JPT2: variants seen among roughly 807,000 people sequenced by gnomAD.
JPT2 encodes the protein Jupiter microtubule associated homolog 2.
A neutral mutation model predicts 15.9 loss-of-function variants in JPT2; 9 were observed. The observed-to-expected ratio is 0.57, with a 90% CI of 0.34 to 0.99. JPT2 has a LOEUF of 0.99. Among genes scored for constraint, JPT2 ranks in the 50% least tolerant of loss-of-function variants. The pLI is 0.02. For synonymous variants in JPT2, 95 were observed against 91.7 expected, an observed-to-expected ratio of 1.04 and a Z score of -0.21; for missense variants, 267 against 252.1, an observed-to-expected ratio of 1.06 and a Z score of -0.40.
chr16:1,680,232 C>A, intron 1 of JPT2: 1 of 683,946 alleles, frequency 1.5e-6, no homozygotes, highest in Non-Finnish European at 1.8e-6. Flanking sequence ...AGCCCTGTCC[C>A]AGTTGTGTGC....
Position 1,685,542 on chromosome 16 carries a change from C to A in JPT2, c.148C>A (p.Pro50Thr), listed in dbSNP as rs921166624. The change falls in exon 2 of 5, where the codon CCA becomes ACA. Residue 50 changes from proline to threonine, a missense_variant. Transcript: ENST00000248098. ...TAGGATGGCATCTAATATTTTTGGA[C>A]CAACAGAAGAACCTCAGAACATACC... The part of the protein sequence containing the change: ...PNRMASNIFG[P>T]TEEPQNIPKR... The A allele has an allele frequency of 3.1e-6, 5 of 1,614,024 alleles. No individual in the cohort carries two copies. Among genetic ancestry groups the A allele is most frequent in the Non-Finnish European group, 4.2e-6 (5 of 1,180,042 alleles).
chr16:1,702,514 T>G (rs553961235), downstream of JPT2, among the ~76,000 whole-genome samples: 12 of 152,258 alleles, frequency 7.9e-5, no homozygotes, highest in East Asian at 1.5e-3. Flanking sequence ...CCCCGAAGGG[T>G]TGCCACCTCG....
chr16:1,701,266 A>G lies in JPT2; in HGVS notation c.*2268A>G, dbSNP rs1250044208. 6.6e-6 allele frequency: 1 copy of G among 152,636 alleles called. No homozygotes were observed. The highest frequency in any genetic ancestry group is 1.5e-5 in the Non-Finnish European group (1 of 68,044). 9.5% of individuals were successfully genotyped at this position (152,636 alleles called of 1,614,324 possible). On this transcript the variant is annotated 3_prime_UTR_variant, in exon 5 of 5. Transcript: ENST00000248098. ...CTCTGTATTTGTATTAAGCCTTAAC[A>G]CTTTTCTTAAGTGCATTCGGTGCCA...
chr16:1,686,073 C>T, intron 2 of JPT2: 1 of 153,350 alleles, frequency 6.5e-6, no homozygotes, highest in East Asian at 1.9e-4. Context: ...AGGAGGGACT[C>T]TTTGAAAAAG....
At position 1,699,403 on chromosome 16, in the gene JPT2, C is replaced by T. The variant is rs367704836; in HGVS notation, c.*405C>T. 1.2e-4 allele frequency: 50 copies of T among 413,420 alleles called. No homozygotes were observed. The East Asian group carries it at 2.5e-3, about 21-fold the overall frequency. The allele number at this position is 413,420 out of a possible 1,614,324, so 25.6% of individuals were successfully genotyped here. A position where few individuals can be genotyped will look rare whatever the true frequency, so the allele number is the denominator to read the frequency against. On this transcript the variant is annotated 3_prime_UTR_variant, in exon 5 of 5. Transcript: ENST00000248098. The stretch of plus-strand genomic sequence containing the variant: ...GATGGAGGAGGCGTAAGCAGAAACA[C>T]TAACAGTATATTGACCTCTTAGCAG...
chr16:1,687,772 G>C (rs778623659), intron 2 of JPT2, among the ~76,000 whole-genome samples: 1 of 152,158 alleles, frequency 6.6e-6, no homozygotes, highest in Admixed American at 6.5e-5. Context: ...CTTGGAAGAC[G>C]GTTTATGGTA....
chr16:1,692,049 G>A, intron 3 of JPT2, 64 bp downstream of exon 3: 2 of 1,587,764 alleles, frequency 1.3e-6, no homozygotes, highest in Non-Finnish European at 1.7e-6. Flanking sequence ...TTCCAAAAAG[G>A]CTCCAAGGCA....
At chr16:1,684,122 A>G (rs946676297) in intron 1 of JPT2, among the ~76,000 whole-genome samples, 1 of 152,234 alleles carries the variant, frequency 6.6e-6, no homozygotes, top group Non-Finnish European at 1.5e-5. Flanking sequence ...TGTTCAGTAC[A>G]GATGCAACCA....
At chr16:1,696,700 C>G (rs558584224) in intron 3 of JPT2, among the ~76,000 whole-genome samples, 32 of 152,234 alleles carry the variant, frequency 2.1e-4, no homozygotes, top group South Asian at 8.3e-4. Flanking sequence ...AGAAGAGATA[C>G]AAGCAGCCAA....
At chr16:1,693,715 C>G (rs2037121256) in intron 3 of JPT2, among the ~76,000 whole-genome samples, 1 of 151,226 alleles carries the variant, frequency 6.6e-6, no homozygotes, top group Non-Finnish European at 1.5e-5. Context: ...GCTAGCATCA[C>G]CAGAGAAATG....
chr16:1,679,882 C>T (rs1287093180), intron 1 of JPT2, among the ~76,000 whole-genome samples: 7 of 152,136 alleles, frequency 4.6e-5, no homozygotes, highest in East Asian at 1.9e-4. Context: ...CGGTGAAACC[C>T]CGTCTCTACT....
Position 1,701,593 on chromosome 16 carries a change from T to G in JPT2, c.*2595T>G, listed in dbSNP as rs969757317. On this transcript the variant is annotated 3_prime_UTR_variant, in exon 5 of 5. Transcript: ENST00000248098. Reference sequence around the variant, plus strand: ...GTAAGTGTGGGAATAAGCCAGTTTTTTTTTTTCTGTTTCTGTAACTTAAAT... The same window carrying G: ...GTAAGTGTGGGAATAAGCCAGTTTTGTTTTTTCTGTTTCTGTAACTTAAAT... The G allele has an allele frequency of 3.9e-5, 6 of 152,326 alleles. No homozygotes were observed. The highest frequency in any genetic ancestry group is 1.4e-4 in the African/African-American group (6 of 41,456). 9.4% of individuals were successfully genotyped at this position (152,326 alleles called of 1,614,324 possible).
At chr16:1,688,789 C>T (rs2037085224) in intron 2 of JPT2, 1 of 152,204 alleles carries the variant, frequency 6.6e-6, no homozygotes, top group Admixed American at 6.5e-5. Context: ...GAAAAAACAT[C>T]TCTCGAGTTT....
rs113819560 is a variant in JPT2, at chr16:1,681,587, C to T, written c.44+3231C>T. ...TTTCACCTCTTCCAAATTTTGGAGT[C>T]CCGATGGCACTAGGCGTCTGTCACG... On this transcript the variant is annotated intron_variant, in intron 1 of 4. Coordinates refer to ENST00000248098, the MANE Select transcript of JPT2 (RefSeq NM_144570.3). Among the ~76,000 whole-genome samples, 177 of 152,288 alleles carry T rather than the reference C, an allele frequency of 1.2e-3. 3 individuals carry two copies. The highest frequency in any genetic ancestry group is 4.6e-4 in the Admixed American group (7 of 15,294).
rs565038369 is a variant in JPT2 at position 1,692,130 on chromosome 16, G to A, written c.336+145G>A. ...ATCCTGGATGCAAGCATTAGTCATCGAGTTTGGAAGTTCCCCTGAGTCACC... is the reference window on the plus strand; with the variant it reads ...ATCCTGGATGCAAGCATTAGTCATCAAGTTTGGAAGTTCCCCTGAGTCACC... On this transcript the variant is annotated intron_variant, in intron 3 of 4. Transcript: ENST00000248098. 995 of 1,062,756 alleles carry A rather than the reference G, an allele frequency of 9.4e-4. 2 individuals are homozygous for A. Among genetic ancestry groups the A allele is most frequent in the Non-Finnish European group, 1.1e-3 (845 of 744,566 alleles). 65.8% of individuals were successfully genotyped at this position (1,062,756 alleles called of 1,614,324 possible). A position where few individuals can be genotyped will look rare whatever the true frequency, so the allele number is the denominator to read the frequency against.
intron 1 of JPT2, among the ~76,000 whole-genome samples, chr16:1,685,057 T>C (rs935091864): frequency 3.9e-5 from 6 of 152,214 alleles, no homozygotes; most frequent in Non-Finnish European, 7.3e-5. Flanking sequence ...CTGGGTATGG[T>C]GGCTCATACC....
rs1222547458 is a variant in JPT2, at chr16:1,680,316, C to T, written c.44+1960C>T. ...GTAAATGATGGTGTTTATTATCACCCTGAGCGACGCCGATGTTTTTATATT... is the reference window on the plus strand; with the variant it reads ...GTAAATGATGGTGTTTATTATCACCTTGAGCGACGCCGATGTTTTTATATT... On this transcript the variant is annotated intron_variant, in intron 1 of 4. Coordinates refer to ENST00000248098, the MANE Select transcript of JPT2 (RefSeq NM_144570.3). 4 of 1,002,134 alleles carry T rather than the reference C, an allele frequency of 4.0e-6. No homozygotes were observed. In the African/African-American group the frequency reaches 5.2e-5, roughly 13 times the overall value. 62.1% of individuals were successfully genotyped at this position (1,002,134 alleles called of 1,614,324 possible).
rs374271615 is a variant in JPT2 at position 1,678,856 on chromosome 16, C to T, written c.44+500C>T. Among the ~76,000 whole-genome samples, 40 of 152,292 alleles carry T rather than the reference C, an allele frequency of 2.6e-4. 1 individual carries two copies. The highest frequency in any genetic ancestry group is 2.5e-3 in the East Asian group (13 of 5,174). ...GCTCCTGTGCGTGTGGCCGTGTGCCCGTGTCCCTGGTGTGTGTGTGGCCTG... is the reference window on the plus strand; with the variant it reads ...GCTCCTGTGCGTGTGGCCGTGTGCCTGTGTCCCTGGTGTGTGTGTGGCCTG... On this transcript the variant is annotated intron_variant, in intron 1 of 4. Coordinates refer to ENST00000248098, the MANE Select transcript of JPT2 (RefSeq NM_144570.3).
At chr16:1,697,928 C>A in intron 4 of JPT2, 68 bp downstream of exon 4, 1 of 1,417,068 alleles carries the variant, frequency 7.1e-7, no homozygotes, top group Non-Finnish European at 9.9e-7. Flanking sequence ...GCTAGTCTCT[C>A]CTCTGGGAAT....
Sources: gnomAD v4.1 joint callset for allele counts (sites outside exome capture counted in the v4.1 genomes callset) on GRCh38, gnomAD v4.1.1 for gene constraint, MANE v1.5 for transcripts, NCBI Gene and HGNC (gene_info 2026-07-23, HGNC 2026-07-21) for gene names.